The following COL14A1 variants were observed in gnomAD, a reference collection of about 807,000 sequenced individuals.
The protein encoded by COL14A1 is collagen alpha-1(XIV) chain.
In COL14A1, 136 loss-of-function variants were observed where a neutral mutation model predicts 230.3. That is an observed-to-expected ratio of 0.59 (90% CI 0.51 to 0.68). The LOEUF is 0.68. Ranked by LOEUF, COL14A1 falls within the 30% of genes least tolerant of loss-of-function variation. COL14A1 has a pLI of 0.00. For missense variants in COL14A1, 1,976 were observed against 2,215.8 expected, an observed-to-expected ratio of 0.89 and a Z score of 2.17; for synonymous variants, 792 against 784.1, an observed-to-expected ratio of 1.01 and a Z score of -0.17.
chr8:120,184,086 A>G (rs150480889), intron 5 of COL14A1, among the ~76,000 whole-genome samples: 12 of 152,242 alleles, frequency 7.9e-5, no homozygotes, highest in African/African-American at 2.9e-4. Flanking sequence ...TTAGATGAAA[A>G]TGATGTATGC....
intron 1 of COL14A1, among the ~76,000 whole-genome samples, chr8:120,144,857 A>T (rs554852806): frequency 6.6e-6 from 1 of 152,274 alleles, no homozygotes; most frequent in Non-Finnish European, 1.5e-5. Context: ...AAAGTTAACT[A>T]GAAATATACT....
chr8:120,371,600 G>A lies in COL14A1; in HGVS notation c.*369G>A, dbSNP rs1812160298. 2.5e-6 allele frequency: 1 copy of A among 398,314 alleles called. No homozygotes were observed. The allele number at this position is 398,314 out of a possible 1,614,324, so 24.7% of individuals were successfully genotyped here. A position where few individuals can be genotyped will look rare whatever the true frequency, so the allele number is the denominator to read the frequency against. Reference sequence around the variant, plus strand: ...ATATGATTGTGTTTGAGGGAAATATGTCCCTAGCAGGAAAAGAATTCAAAG... The same window carrying A: ...ATATGATTGTGTTTGAGGGAAATATATCCCTAGCAGGAAAAGAATTCAAAG... On this transcript the variant is annotated 3_prime_UTR_variant, in exon 48 of 48. Transcript: ENST00000297848.
intron 45 of COL14A1, among the ~76,000 whole-genome samples, chr8:120,348,828 G>A (rs7828729): frequency 0.42 from 63,682 of 152,022 alleles, 13,342 homozygotes; most frequent in African/African-American, 0.45. Context: ...ATGCAATATT[G>A]CTTATGCATA....
At chr8:120,161,242 T>C (rs1815656949) in intron 3 of COL14A1, among the ~76,000 whole-genome samples, 1 of 152,232 alleles carries the variant, frequency 6.6e-6, no homozygotes, top group African/African-American at 2.4e-5. Context: ...AATTATAATC[T>C]GTATTATGTT....
chr8:120,133,052 C>T (rs551397158), intron 1 of COL14A1, among the ~76,000 whole-genome samples: 2 of 152,076 alleles, frequency 1.3e-5, no homozygotes, highest in South Asian at 4.2e-4. Flanking sequence ...CCCGTCTCTA[C>T]TAAAAATACA....
intron 22 of COL14A1, among the ~76,000 whole-genome samples, chr8:120,251,670 A>G (rs1422002653): frequency 6.6e-6 from 1 of 152,164 alleles, no homozygotes; most frequent in African/African-American, 2.4e-5. Context: ...ACAGTTTTTG[A>G]CCTAAATACT....
intron 14 of COL14A1, among the ~76,000 whole-genome samples, chr8:120,217,415 C>T (rs1205972191): frequency 6.6e-6 from 1 of 151,938 alleles, no homozygotes; most frequent in Non-Finnish European, 1.5e-5. Context: ...TTTTATTTTC[C>T]CTTATCTTGG....
intron 1 of COL14A1, among the ~76,000 whole-genome samples, chr8:120,145,562 T>A (rs1815064936): frequency 1.3e-5 from 2 of 152,190 alleles, no homozygotes; most frequent in African/African-American, 4.8e-5. Flanking sequence ...AAGGTTGCAG[T>A]GAGCAGATCG....
intron 4 of COL14A1, among the ~76,000 whole-genome samples, chr8:120,167,178 C>T (rs765431831): frequency 6.6e-6 from 1 of 151,846 alleles, no homozygotes. Flanking sequence ...AATGACAGAT[C>T]TCAAACCATT....
chr8:120,209,741 A>C lies in COL14A1; in HGVS notation c.1322-15A>C. ...TATATAAGTGGCTCAACATTTAAAAAAAAATCTCTTGCAGTTGCTTTACCG... is the reference window on the plus strand; with the variant it reads ...TATATAAGTGGCTCAACATTTAAAACAAAATCTCTTGCAGTTGCTTTACCG... On this transcript the variant is annotated splice_polypyrimidine_tract_variant and intron_variant, in intron 11 of 47. Coordinates refer to ENST00000297848, the MANE Select transcript of COL14A1 (RefSeq NM_021110.4). 1 of 1,597,182 alleles carries C rather than the reference A, an allele frequency of 6.3e-7. No homozygotes were observed. The highest frequency in any genetic ancestry group is 8.5e-7 in the Non-Finnish European group (1 of 1,174,846).
At position 120,144,796 on chromosome 8, in the gene COL14A1, G is replaced by A. The variant is rs532235670; in HGVS notation, c.-37-3010G>A. ...TCAATATCTTTTCTATATTAAAAAC[G>A]AATCTATCAGATAACAGTGTTGGAA... On this transcript the variant is annotated intron_variant, in intron 1 of 47. Transcript: ENST00000297848. Among the ~76,000 whole-genome samples the A allele has an allele frequency of 1.2e-4, 18 of 151,984 alleles. No individual in the cohort carries two copies. The East Asian group carries it at 1.7e-3, about 15-fold the overall frequency.
In COL14A1 at chr8:120,280,998, A is replaced by G; in HGVS notation, c.3763A>G (p.Thr1255Ala). ...GGAAGGGGTTTCTATGGAGCCTGGT[A>G]CCTTCAATGTGTTTCCATGTTACCA... ...SVEGVSMEPG[T>A]FNVFPCYQLH... Residue 1255 changes from threonine (T) to alanine (A), a missense_variant, in exon 31 of 48, where the codon ACC becomes GCC. Thr to Ala is a moderately conservative substitution (Grantham distance 58). Transcript: ENST00000297848. The G allele has an allele frequency of 6.2e-7, 1 of 1,612,700 alleles. No individual in the cohort carries two copies. Among genetic ancestry groups the G allele is most frequent in the Non-Finnish European group, 8.5e-7 (1 of 1,179,484 alleles).
chr8:120,168,856 C>T (rs1444078893), intron 5 of COL14A1, among the ~76,000 whole-genome samples: 1 of 151,972 alleles, frequency 6.6e-6, no homozygotes, highest in Admixed American at 6.6e-5. Context: ...GATTAGTCCC[C>T]CCAACCCCGT....
chr8:120,168,872 T>C (rs1031972035), intron 5 of COL14A1, among the ~76,000 whole-genome samples: 7 of 152,088 alleles, frequency 4.6e-5, no homozygotes, highest in Non-Finnish European at 1.0e-4. Flanking sequence ...CCCGTTTTTT[T>C]TGAGGCAGGA....
intron 11 of COL14A1, among the ~76,000 whole-genome samples, chr8:120,209,162 G>T (rs976959209): frequency 2.0e-5 from 3 of 152,044 alleles, no homozygotes. Flanking sequence ...TATTCTCAAG[G>T]ATGTTTTAGT....
chr8:120,362,860 C>G (rs1261715867), intron 45 of COL14A1, among the ~76,000 whole-genome samples: 1 of 152,158 alleles, frequency 6.6e-6, no homozygotes, highest in Non-Finnish European at 1.5e-5. Flanking sequence ...TTTGGTTACT[C>G]TACAGAAAAC....
intron 4 of COL14A1, among the ~76,000 whole-genome samples, chr8:120,165,631 A>G (rs929482943): frequency 2.0e-5 from 3 of 152,168 alleles, no homozygotes; most frequent in Non-Finnish European, 2.9e-5. Context: ...TGAGGAAGAC[A>G]TATATATCTT....
chr8:120,231,582 A>C lies in COL14A1; in HGVS notation c.2313A>C (p.Thr771=). ...DVQQFRVTYM[T]AQGDPEEEVI... ...AGCAGTTTAGGGTGACCTACATGAC[A>C]GCTCAAGGGGACCCTGAGGAAGAAG... The change falls in exon 19 of 48, where the codon ACA becomes ACC. Residue 771 remains threonine, a synonymous_variant. Transcript: ENST00000297848. The C allele has an allele frequency of 6.2e-7, 1 of 1,613,980 alleles. No individual in the cohort carries two copies. The highest frequency in any genetic ancestry group is 2.2e-5 in the East Asian group (1 of 44,854).
intron 5 of COL14A1, among the ~76,000 whole-genome samples, chr8:120,168,852 TC>T (rs1563648397): frequency 6.6e-6 from 1 of 151,896 alleles, no homozygotes; most frequent in Non-Finnish European, 1.5e-5. Flanking sequence ...TATTGATTAG[TC>T]CCCCCAACCC....
Sources: allele counts gnomAD v4.1 joint callset (sites outside exome capture counted in the v4.1 genomes callset), GRCh38; gene constraint gnomAD v4.1.1; transcripts MANE v1.5; gene names NCBI Gene and HGNC (gene_info 2026-07-23, HGNC 2026-07-21).